The following IPO13 variants were observed in gnomAD, a reference collection of about 807,000 sequenced individuals.
The protein encoded by IPO13 is importin 13, also known as importin-13.
A neutral mutation model predicts 115.5 loss-of-function variants in IPO13; 28 were observed. The ratio of observed to expected loss-of-function variants is 0.24; its 90% confidence interval spans 0.18 to 0.33. The LOEUF (loss-of-function observed/expected upper bound fraction) is 0.33. IPO13 is among the 10% of genes least tolerant of loss of function. The pLI is 1.00. For synonymous variants in IPO13, 414 were observed against 478.9 expected, an observed-to-expected ratio of 0.86 and a Z score of 1.77; for missense variants, 785 against 1,204.6, an observed-to-expected ratio of 0.65 and a Z score of 5.16.
chr1:43,966,969 G>A lies in IPO13; in HGVS notation c.2563G>A (p.Gly855Arg), dbSNP rs1353143134. The change falls in exon 18 of 20, where the codon GGA (glycine) becomes AGA (arginine). Residue 855 changes from glycine to arginine, a missense_variant. Gly to Arg is a moderately radical substitution (Grantham distance 125). Around this residue, in one of 3 missense-constraint regions of IPO13, gnomAD observed 285 missense variants for 394.8 expected, o/e 0.72. Coordinates refer to ENST00000372343, the MANE Select transcript of IPO13 (RefSeq NM_014652.4). This position sits in a 1 kb window ranked among gnomAD's most constrained non-coding sequence, Gnocchi z 4.1. ...TCGGTGTGGGGAAGTAGAGTCTGTGGGAAAGGTGGTACAGGAAGACGGTCG... is the reference window on the plus strand; with the variant it reads ...TCGGTGTGGGGAAGTAGAGTCTGTGAGAAAGGTGGTACAGGAAGACGGTCG... ...LPRCGEVESV[G>R]KVVQEDGRML... 1.1e-5 allele frequency: 17 copies of A among 1,613,878 alleles called. No individual in the cohort carries two copies. The highest frequency in any genetic ancestry group is 1.4e-5 in the Non-Finnish European group (17 of 1,180,016).
At chr1:43,948,808 G>A (rs949950985) in intron 1 of IPO13, among the ~76,000 whole-genome samples, 2 of 152,228 alleles carry the variant, frequency 1.3e-5, no homozygotes, top group Non-Finnish European at 2.9e-5. Context: ...TGCAGCTATG[G>A]CCAAGGCTTC....
At position 43,956,790 on chromosome 1, in the gene IPO13, C is replaced by G; in HGVS notation, c.1105-20C>G. The G allele has an allele frequency of 6.2e-7, 1 of 1,613,776 alleles. No individual in the cohort carries two copies. The highest frequency in any genetic ancestry group is 8.5e-7 in the Non-Finnish European group (1 of 1,179,768). ...ATGACTGCTGGTGAGGTGGCTAATT[C>G]TCTTCCCTGGCTCTCTCAGGATGAT... On this transcript the variant is annotated intron_variant, in intron 4 of 19. Coordinates refer to ENST00000372343, the MANE Select transcript of IPO13 (RefSeq NM_014652.4). The surrounding 1 kb of genome is among the most constrained non-coding windows in gnomAD (Gnocchi z 4.7).
At position 43,967,464 on chromosome 1, in the gene IPO13, A is replaced by AC; in HGVS notation, c.2764dup (p.Gln922ProfsTer41). The AC allele has an allele frequency of 3.7e-6, 6 of 1,614,144 alleles. No homozygotes were observed. Among genetic ancestry groups the AC allele is most frequent in the Non-Finnish European group, 5.1e-6 (6 of 1,180,004 alleles). Reference sequence around the variant, plus strand: ...TCCCCTCTGCCCGCCTCAGCCCTGAACAGAAGGATACCTTCAGCCAGCAGA... The same window carrying AC: ...TCCCCTCTGCCCGCCTCAGCCCTGAACCAGAAGGATACCTTCAGCCAGCAGA... On this transcript the variant is annotated frameshift_variant, in exon 19 of 20. Coordinates refer to ENST00000372343, the MANE Select transcript of IPO13 (RefSeq NM_014652.4). LOFTEE classifies it high-confidence loss of function. This position sits in a 1 kb window ranked among gnomAD's most constrained non-coding sequence, Gnocchi z 6.1.
At chr1:43,961,976 T>G (rs2085293452) in intron 14 of IPO13, among the ~76,000 whole-genome samples, 1 of 152,150 alleles carries the variant, frequency 6.6e-6, no homozygotes, top group Non-Finnish European at 1.5e-5. Flanking sequence ...TAATCCAGGC[T>G]TCCAGTTTGG....
chr1:43,967,658 C>A lies in IPO13; in HGVS notation c.2868C>A (p.Gly956=). The change falls in exon 20 of 20, where the codon GGC becomes GGA. Residue 956 remains glycine (G), a synonymous_variant. Coordinates refer to ENST00000372343, the MANE Select transcript of IPO13 (RefSeq NM_014652.4). This position sits in a 1 kb window ranked among gnomAD's most constrained non-coding sequence, Gnocchi z 6.1. ...CACTGCTGTGCCGGGGTCTCCATGGCACAGATTACACAGCTGACTACTGAG... is the reference window on the plus strand; with the variant it reads ...CACTGCTGTGCCGGGGTCTCCATGGAACAGATTACACAGCTGACTACTGAG... ...EFTLLCRGLH[G]TDYTADY is the part of the protein sequence containing the mutation. 1 of 1,614,160 alleles carries A rather than the reference C, an allele frequency of 6.2e-7. No individual in the cohort carries two copies. Among genetic ancestry groups the A allele is most frequent in the Non-Finnish European group, 8.5e-7 (1 of 1,179,978 alleles).
At chr1:43,954,178 G>T (rs1416438641) in intron 2 of IPO13, among the ~76,000 whole-genome samples, 1 of 152,174 alleles carries the variant, frequency 6.6e-6, no homozygotes, top group African/African-American at 2.4e-5. Context: ...GTGGGCCATA[G>T]CCTTGGCCCT....
At chr1:43,950,241 T>G in intron 2 of IPO13, 88 bp downstream of exon 2, 1 of 1,402,452 alleles carries the variant, frequency 7.1e-7, no homozygotes, top group Non-Finnish European at 9.6e-7. Flanking sequence ...ATTAATTGAA[T>G]GTGTACTGAT....
chr1:43,954,422 C>T lies in IPO13; in HGVS notation c.822-1898C>T, dbSNP rs543330381. Among the ~76,000 whole-genome samples, 7 of 152,296 alleles carry T rather than the reference C, an allele frequency of 4.6e-5. No individual in the cohort carries two copies. The South Asian group carries it at 1.2e-3, about 27-fold the overall frequency. ...GCCTCTTTTTGTCCTTCTCATCCTC[C>T]CACCAAGGATATGAGGCTACTGCCT... On this transcript the variant is annotated intron_variant, in intron 2 of 19. Transcript: ENST00000372343.
chr1:43,947,619 C>A lies in IPO13; in HGVS notation c.19C>A (p.Gln7Lys). Reference sequence around the variant, plus strand: ...AGCAAAGATGGAGCGGCGGGAGGAGCAGCCGGGGGCTGCAGGGGCTGGAGC... The same window carrying A: ...AGCAAAGATGGAGCGGCGGGAGGAGAAGCCGGGGGCTGCAGGGGCTGGAGC... MERREEQPGAAGAGAAP... is the reference protein window; with the variant it reads MERREEKPGAAGAGAAP... The change falls in exon 1 of 20, where the codon CAG becomes AAG. Residue 7 changes from glutamine to lysine, a missense_variant. By Grantham distance (53) the Gln-to-Lys change is moderately conservative. Transcript: ENST00000372343. 1 of 1,323,814 alleles carries A rather than the reference C, an allele frequency of 7.6e-7. No individual in the cohort carries two copies. Among genetic ancestry groups the A allele is most frequent in the Non-Finnish European group, 9.7e-7 (1 of 1,029,532 alleles). 82.0% of individuals were successfully genotyped at this position (1,323,814 alleles called of 1,614,324 possible).
chr1:43,956,574 A>G lies in IPO13; in HGVS notation c.977A>G (p.Gln326Arg). The change falls in exon 4 of 20, where the codon CAA (glutamine) becomes CGA (arginine). Residue 326 changes from glutamine to arginine, a missense_variant. Coordinates refer to ENST00000372343, the MANE Select transcript of IPO13 (RefSeq NM_014652.4). This position sits in a 1 kb window ranked among gnomAD's most constrained non-coding sequence, Gnocchi z 4.7. ...GENHSRALLD[Q>R]VEHWQSFLAL... ...TCTCTCCCCAGGGCCTTGCTGGACC[A>G]AGTAGAGCACTGGCAGAGTTTCCTG... 4 of 1,614,216 alleles carry G rather than the reference A, an allele frequency of 2.5e-6. No individual in the cohort carries two copies. Among genetic ancestry groups the G allele is most frequent in the Non-Finnish European group, 3.4e-6 (4 of 1,180,036 alleles).
In IPO13 at chr1:43,946,964, T is replaced by G. The variant is rs1451973643; in HGVS notation, c.-637T>G. 2.5e-6 allele frequency: 1 copy of G among 397,910 alleles called. No homozygotes were observed. Among genetic ancestry groups the G allele is most frequent in the Non-Finnish European group, 4.4e-6 (1 of 225,834 alleles). The allele number at this position is 397,910 out of a possible 1,614,324, so 24.6% of individuals were successfully genotyped here. A position where few individuals can be genotyped will look rare whatever the true frequency, so the allele number is the denominator to read the frequency against. The stretch of plus-strand genomic sequence containing the variant: ...CGGCCGGCCTGGCTTGTCTTGTCAG[T>G]CACTGGGGCGGAGGCAGCGGCTGTA... On this transcript the variant is annotated 5_prime_UTR_variant, in exon 1 of 20. Transcript: ENST00000372343.
rs567154261 is a variant in IPO13, at chr1:43,950,171, C to T, written c.821+18C>T. 25 of 1,580,582 alleles carry T rather than the reference C, an allele frequency of 1.6e-5. No individual in the cohort carries two copies. In the African/African-American group the frequency reaches 1.8e-4, roughly 11 times the overall value. ...GCCCAGAGGTGAGCTAGTACCCACT[C>T]ACCCAGAAGACAACCTCTTTGGCCA... On this transcript the variant is annotated intron_variant, in intron 2 of 19. Coordinates refer to ENST00000372343, the MANE Select transcript of IPO13 (RefSeq NM_014652.4).
Position 43,956,350 on chromosome 1 carries a change from G to T in IPO13, c.852G>T (p.Pro284=). ...RYVNTLLKLI[P]LVLGLQEQLR... ...TGAACACACTCCTGAAACTCATCCCGCTGGTGCTGGGTCTGCAGGAACAAC... is the reference window on the plus strand; with the variant it reads ...TGAACACACTCCTGAAACTCATCCCTCTGGTGCTGGGTCTGCAGGAACAAC... The change falls in exon 3 of 20, where the codon CCG becomes CCT. Residue 284 remains proline (P), a synonymous_variant. Coordinates refer to ENST00000372343, the MANE Select transcript of IPO13 (RefSeq NM_014652.4). This position sits in a 1 kb window ranked among gnomAD's most constrained non-coding sequence, Gnocchi z 4.7. 1.2e-6 allele frequency: 2 copies of T among 1,614,136 alleles called. No individual in the cohort carries two copies. The highest frequency in any genetic ancestry group is 1.7e-5 in the Admixed American group (1 of 60,020).
chr1:43,965,903 A>G (rs1471002330), intron 15 of IPO13: 2 of 162,232 alleles, frequency 1.2e-5, no homozygotes, highest in Non-Finnish European at 2.7e-5. Context: ...TGTGCCAGTC[A>G]TGTCCTGGTA....
At chr1:43,950,217 T>C in intron 2 of IPO13, 64 bp downstream of exon 2, 1 of 1,527,186 alleles carries the variant, frequency 6.5e-7, no homozygotes, top group Non-Finnish European at 8.8e-7. Context: ...CATCCATCCA[T>C]CTGTTCAATA....
At chr1:43,962,189 C>G (rs1232001724) in intron 14 of IPO13, among the ~76,000 whole-genome samples, 1 of 152,030 alleles carries the variant, frequency 6.6e-6, no homozygotes, top group Non-Finnish European at 1.5e-5. Context: ...AAAACTGAAC[C>G]AGAAACCTGG....
Position 43,958,634 on chromosome 1 carries a change from G to A in IPO13, c.1884+39G>A, listed in dbSNP as rs769131399. 1 of 1,613,298 alleles carries A rather than the reference G, an allele frequency of 6.2e-7. No homozygotes were observed. The highest frequency in any genetic ancestry group is 1.1e-5 in the South Asian group (1 of 91,036). ...GGGGGCCAGGGAGCGGTACTGAGAT[G>A]CTGTGGCTGATGAGGGGTGAGGTTG... On this transcript the variant is annotated intron_variant, in intron 10 of 19. Transcript: ENST00000372343. The surrounding 1 kb of genome is among the most constrained non-coding windows in gnomAD (Gnocchi z 6.3).
Position 43,968,019 on chromosome 1 carries a change from T to C in IPO13, c.*337T>C, listed in dbSNP as rs2085339160. 5.0e-6 allele frequency: 2 copies of C among 396,192 alleles called. No individual in the cohort carries two copies. The highest frequency in any genetic ancestry group is 4.8e-5 in the East Asian group (1 of 20,998). The allele number at this position is 396,192 out of a possible 1,614,324, so 24.5% of individuals were successfully genotyped here. On this transcript the variant is annotated 3_prime_UTR_variant, in exon 20 of 20. Transcript: ENST00000372343. ...CATCCCCATTAAATTAATCCCAACA[T>C]GCATGTATGCATACATTTATTTAAT...
chr1:43,960,378 G>A (rs1571769415), intron 12 of IPO13, 49 bp downstream of exon 12: 1 of 1,524,128 alleles, frequency 6.6e-7, no homozygotes, highest in East Asian at 2.3e-5. Flanking sequence ...GCTCAGAGGT[G>A]TAGCAGGGTA....
Sources: gnomAD v4.1 joint callset for allele counts (sites outside exome capture counted in the v4.1 genomes callset) on GRCh38, gnomAD v4.1.1 for gene constraint, gnomAD v4.1.1 regional missense constraint, Gnocchi (gnomAD v3.1) non-coding constraint, MANE v1.5 for transcripts, NCBI Gene and HGNC (gene_info 2026-07-23, HGNC 2026-07-21) for gene names.